The following TG variants were observed in gnomAD, a reference collection of about 807,000 sequenced individuals.
TG encodes the protein thyroid hormones.
A neutral mutation model predicts 324.7 loss-of-function variants in TG; 270 were observed. The ratio of observed to expected loss-of-function variants is 0.83; its 90% CI spans 0.75 to 0.92. TG has a LOEUF of 0.92. Ranked by LOEUF, TG falls within the 40% of genes least tolerant of loss-of-function variation. The probability of loss-of-function intolerance (pLI) is 0.00; values close to 1 mark genes in which losing one functional copy is unlikely to be tolerated. For synonymous variants in TG, 1,401 were observed against 1,327.0 expected (o/e 1.06, Z -1.21); for missense variants, 3,591 against 3,456.4 (o/e 1.04, Z -0.98).
rs1218236388 is a variant in TG at position 132,966,706 on chromosome 8, C to T, written c.5686+9C>T. ...CCTATGGTGCCTTTCTCGTAAGTAT[C>T]CTTAGAACTCATTCTTCTTCTTCCA... is the stretch of plus-strand genomic sequence containing the variant. On this transcript the variant is annotated intron_variant, in intron 30 of 47. Coordinates refer to ENST00000220616, the MANE Select transcript of TG (RefSeq NM_003235.5). 1.2e-6 allele frequency: 2 copies of T among 1,613,908 alleles called. No homozygotes were observed. Among genetic ancestry groups the T allele is most frequent in the Non-Finnish European group, 1.7e-6 (2 of 1,179,950 alleles).
At chr8:132,915,973 G>T (rs745384133) in intron 20 of TG, among the ~76,000 whole-genome samples, 1 of 152,144 alleles carries the variant, frequency 6.6e-6, no homozygotes, top group East Asian at 1.9e-4. Flanking sequence ...AGTACCTGTC[G>T]CTCACTGAGT....
At chr8:132,939,121 A>C (rs1824046752) in intron 25 of TG, among the ~76,000 whole-genome samples, 1 of 151,600 alleles carries the variant, frequency 6.6e-6, no homozygotes, top group Admixed American at 6.6e-5. Flanking sequence ...GAAGATACCA[A>C]GGGGAGCTGA....
chr8:133,094,173 G>T (rs1848039601), intron 41 of TG, among the ~76,000 whole-genome samples: 3 of 151,968 alleles, frequency 2.0e-5, no homozygotes, highest in African/African-American at 4.8e-5. Flanking sequence ...AAAAGTCCGG[G>T]CAGAGATGAA....
At chr8:132,942,869 G>T (rs1397897221) in intron 26 of TG, among the ~76,000 whole-genome samples, 1 of 152,196 alleles carries the variant, frequency 6.6e-6, no homozygotes, top group Non-Finnish European at 1.5e-5. Flanking sequence ...GACAGAGTGG[G>T]AGGATTTGGT....
chr8:132,904,090 C>G (rs1279672591), intron 16 of TG, among the ~76,000 whole-genome samples: 1 of 152,214 alleles, frequency 6.6e-6, no homozygotes, highest in African/African-American at 2.4e-5. Flanking sequence ...ACAACACTTC[C>G]TGGTGTTGGG....
chr8:133,013,452 C>T (rs777187043), intron 36 of TG, 148 bp from the exon 37 acceptor site: 34 of 949,608 alleles, frequency 3.6e-5, no homozygotes, highest in African/African-American at 1.1e-4. Flanking sequence ...GATGGATAGA[C>T]GGATGGATTC....
intron 41 of TG, among the ~76,000 whole-genome samples, chr8:133,032,883 G>A (rs187319426): frequency 8.3e-4 from 127 of 152,278 alleles, no homozygotes; most frequent in Non-Finnish European, 1.3e-4. Context: ...TGATTGGCAT[G>A]GGGACTTTAT....
In TG at chr8:132,919,259, G is replaced by C. The variant is rs1053831565; in HGVS notation, c.4379-117G>C. The C allele has an allele frequency of 5.3e-6, 6 of 1,131,826 alleles. No homozygotes were observed. The Admixed American group carries it at 1.0e-4, about 19-fold the overall frequency. 70.1% of individuals were successfully genotyped at this position (1,131,826 alleles called of 1,614,324 possible). On this transcript the variant is annotated intron_variant, in intron 20 of 47. Coordinates refer to ENST00000220616, the MANE Select transcript of TG (RefSeq NM_003235.5). Reference sequence around the variant, plus strand: ...CACAGTAGGTTCTCAGTGGACATTTGTTAAATGAATGAGCTCTTGAACTGG... The same window carrying C: ...CACAGTAGGTTCTCAGTGGACATTTCTTAAATGAATGAGCTCTTGAACTGG...
intron 41 of TG, among the ~76,000 whole-genome samples, chr8:133,063,036 G>T (rs1842599144): frequency 6.6e-6 from 1 of 152,188 alleles, no homozygotes; most frequent in African/African-American, 2.4e-5. Flanking sequence ...CATCACCGAG[G>T]CCTTTGGGCT....
In TG at chr8:132,931,008, G is replaced by T. The variant is rs1475708506; in HGVS notation, c.4816+1816G>T. ...AGCACTGTGTTAGTCTGTTTGGGCTGCTGGGACAAAATACCGTAGACTGGG... is the reference window on the plus strand; with the variant it reads ...AGCACTGTGTTAGTCTGTTTGGGCTTCTGGGACAAAATACCGTAGACTGGG... On this transcript the variant is annotated intron_variant, in intron 23 of 47. Coordinates refer to ENST00000220616, the MANE Select transcript of TG (RefSeq NM_003235.5). Among the ~76,000 whole-genome samples, 7 of 152,320 alleles carry T rather than the reference G, an allele frequency of 4.6e-5. No individual in the cohort carries two copies. The East Asian group carries it at 1.4e-3, about 29-fold the overall frequency.
At chr8:133,092,708 A>G (rs370722137) in intron 41 of TG, among the ~76,000 whole-genome samples, 19 of 151,938 alleles carry the variant, frequency 1.3e-4, no homozygotes, top group African/African-American at 4.3e-4. Context: ...TTCTGCCCCA[A>G]TCCCATGCTC....
chr8:132,885,045 T>G (rs1366009230), intron 8 of TG, among the ~76,000 whole-genome samples: 1 of 151,454 alleles, frequency 6.6e-6, no homozygotes, highest in African/African-American at 2.4e-5. Context: ...CAGTTCTTTC[T>G]CTGTTGCCTG....
chr8:132,880,779 A>T (rs1017057621), intron 5 of TG, among the ~76,000 whole-genome samples: 1 of 152,228 alleles, frequency 6.6e-6, no homozygotes, highest in African/African-American at 2.4e-5. Context: ...GCATTTTATA[A>T]TCTAACCTTT....
Position 133,074,926 on chromosome 8 carries a change from C to T in TG, c.7240-20118C>T, listed in dbSNP as rs139888054. 356 of 985,536 alleles carry T rather than the reference C, an allele frequency of 3.6e-4. 2 individuals carry two copies. The African/African-American group carries it at 5.4e-3, about 15-fold the overall frequency. The allele number at this position is 985,536 out of a possible 1,614,324, so 61.0% of individuals were successfully genotyped here. ...GCTGGGTGCAGAGTCACTGCCTCTCCGTCTGTCAACTGCTGCTGCTCCAGA... is the reference window on the plus strand; with the variant it reads ...GCTGGGTGCAGAGTCACTGCCTCTCTGTCTGTCAACTGCTGCTGCTCCAGA... On this transcript the variant is annotated intron_variant, in intron 41 of 47. Coordinates refer to ENST00000220616, the MANE Select transcript of TG (RefSeq NM_003235.5).
chr8:132,885,052 C>T (rs1157742675), intron 8 of TG, among the ~76,000 whole-genome samples: 1 of 151,798 alleles, frequency 6.6e-6, no homozygotes, highest in African/African-American at 2.4e-5. Context: ...TTCTCTGTTG[C>T]CTGGTTACAG....
intron 24 of TG, among the ~76,000 whole-genome samples, chr8:132,934,330 C>T (rs1208644199): frequency 9.4e-6 from 1 of 106,514 alleles, no homozygotes; most frequent in African/African-American, 2.7e-5. Context: ...GTGAAGACTC[C>T]ATCAAAAAAA....
chr8:132,985,956 G>A (rs1831470118), intron 35 of TG, among the ~76,000 whole-genome samples: 1 of 152,062 alleles, frequency 6.6e-6, no homozygotes, highest in African/African-American at 2.4e-5. Flanking sequence ...GGGGGTTGTG[G>A]AGGGAGAGAG....
chr8:132,996,614 C>T (rs1361467015), intron 35 of TG, among the ~76,000 whole-genome samples: 1 of 152,106 alleles, frequency 6.6e-6, no homozygotes, highest in Non-Finnish European at 1.5e-5. Context: ...TCAAGGAGCT[C>T]ATGATTTAAC....
At chr8:132,937,078 C>T (rs1413234775) in intron 25 of TG, among the ~76,000 whole-genome samples, 9 of 152,114 alleles carry the variant, frequency 5.9e-5, no homozygotes, top group Admixed American at 1.3e-4. Flanking sequence ...GAAAGCTCAG[C>T]GAGTGTAGAA....
Sources: gnomAD v4.1 joint callset for allele counts (sites outside exome capture counted in the v4.1 genomes callset) on GRCh38, gnomAD v4.1.1 for gene constraint, MANE v1.5 for transcripts, NCBI Gene and HGNC (gene_info 2026-07-23, HGNC 2026-07-21) for gene names.